ABCC5: variants seen among roughly 807,000 people sequenced by gnomAD.
ABCC5 encodes ATP binding cassette subfamily C member 5.
In ABCC5, 61 loss-of-function variants were observed where a neutral mutation model predicts 160.9. The ratio of observed to expected loss-of-function variants is 0.38; its 90% CI spans 0.31 to 0.47. The LOEUF (loss-of-function observed/expected upper bound fraction) is 0.47. Ranked by LOEUF, ABCC5 falls within the 20% of genes least tolerant of loss-of-function variation. The pLI, the probability that ABCC5 is intolerant of heterozygous loss-of-function variation, is 0.99. For missense variants in ABCC5, 1,308 were observed against 1,813.3 expected (o/e 0.72, Z 5.06); for synonymous variants, 666 against 700.6 (o/e 0.95, Z 0.78).
chr3:183,998,497 G>C (rs1720457360), intron 2 of ABCC5, among the ~76,000 whole-genome samples: 1 of 152,100 alleles, frequency 6.6e-6, no homozygotes, highest in South Asian at 2.1e-4. Context: ...GCCAGACACT[G>C]TTTTAAATGG....
intron 8 of ABCC5, among the ~76,000 whole-genome samples, chr3:183,980,766 G>A (rs1009311560): frequency 2.0e-5 from 3 of 150,892 alleles, no homozygotes; most frequent in Non-Finnish European, 4.4e-5. Flanking sequence ...AGGCTGGAGT[G>A]TAATGGTGTG....
chr3:183,947,133 T>C (rs931076591), intron 23 of ABCC5, among the ~76,000 whole-genome samples, 191 bp downstream of exon 23: 1 of 152,182 alleles, frequency 6.6e-6, no homozygotes, highest in Admixed American at 6.5e-5. Flanking sequence ...ATTCCACACT[T>C]ACCTCTCTCC....
chr3:183,977,083 A>C (rs763341803), intron 10 of ABCC5, among the ~76,000 whole-genome samples: 1 of 152,204 alleles, frequency 6.6e-6, no homozygotes, highest in African/African-American at 2.4e-5. Flanking sequence ...GTAGCACCAC[A>C]GGGCAGGAAA....
chr3:183,925,458 T>C, intron 29 of ABCC5, 97 bp downstream of exon 29: 3 of 1,290,738 alleles, frequency 2.3e-6, no homozygotes, highest in Non-Finnish European at 3.2e-6. Flanking sequence ...CTTATCTGAA[T>C]GCCCAGAACC....
chr3:183,953,542 A>T (rs956571314), intron 17 of ABCC5, among the ~76,000 whole-genome samples: 7 of 152,190 alleles, frequency 4.6e-5, no homozygotes, highest in Non-Finnish European at 1.0e-4. Flanking sequence ...ACAGACTGGT[A>T]GGACAGGCAG....
chr3:183,936,115 C>A (rs1560473708), intron 26 of ABCC5, among the ~76,000 whole-genome samples: 3 of 152,022 alleles, frequency 2.0e-5, no homozygotes, highest in African/African-American at 7.2e-5. Flanking sequence ...AGGGTGGGGC[C>A]TCAAGAAGAG....
At chr3:183,974,894 A>T (rs1209776730) in intron 10 of ABCC5, among the ~76,000 whole-genome samples, 2 of 152,238 alleles carry the variant, frequency 1.3e-5, no homozygotes, top group Admixed American at 1.3e-4. Context: ...GGTGAAATAG[A>T]GAAAAGACTA....
At chr3:183,966,912 T>C in intron 12 of ABCC5, among the ~76,000 whole-genome samples, 1 of 152,164 alleles carries the variant, frequency 6.6e-6, no homozygotes, top group East Asian at 1.9e-4. Flanking sequence ...CAGTGGACCT[T>C]ATCCATCAGG....
At chr3:183,928,181 C>T (rs1199858518) in intron 27 of ABCC5, among the ~76,000 whole-genome samples, 10 of 150,812 alleles carry the variant, frequency 6.6e-5, no homozygotes, top group African/African-American at 1.5e-4. Flanking sequence ...GGTGCGCTCT[C>T]GCTCACTGCA....
At chr3:183,941,865 G>A (rs577322505) in intron 25 of ABCC5, among the ~76,000 whole-genome samples, 12 of 151,700 alleles carry the variant, frequency 7.9e-5, no homozygotes, top group Middle Eastern at 3.4e-3. Flanking sequence ...TCCCAGCTAC[G>A]TGAGAGGCTG....
intron 26 of ABCC5, among the ~76,000 whole-genome samples, chr3:183,934,342 A>G (rs578261422): frequency 1.3e-5 from 2 of 152,320 alleles, no homozygotes; most frequent in Admixed American, 1.3e-4. Context: ...TCCGTAACAA[A>G]CCTGAGAGGA....
rs957938722 is a variant in ABCC5, at chr3:183,921,899, C to A, written c.4213-498G>T. ...ACAAAAATTAGCTGGGCATGGTTGG[C>A]GGGTGCCTACAATCCCAGTGACTTG... is the stretch of plus-strand genomic sequence containing the variant. On this transcript the variant is annotated intron_variant, in intron 29 of 29. Coordinates refer to ENST00000334444, the MANE Select transcript of ABCC5 (RefSeq NM_005688.4). This position sits in a 1 kb window ranked among gnomAD's most constrained non-coding sequence, Gnocchi z 4.1. 6.6e-6 allele frequency among the ~76,000 whole-genome samples: 1 copy of A among 151,360 alleles called. No homozygotes were observed. Among genetic ancestry groups the A allele is most frequent in the African/African-American group, 2.4e-5 (1 of 41,168 alleles).
Position 183,988,459 on chromosome 3 carries a change from C to T in ABCC5, c.443+113G>A. On this transcript the variant is annotated intron_variant, in intron 4 of 29. Transcript: ENST00000334444. This position sits in a 1 kb window ranked among gnomAD's most constrained non-coding sequence, Gnocchi z 4.4. ...AGAAAGTCATCCCCAGGCCGCCCGC[C>T]CTCCACTGGACAGCTCGGCTCTTTA... 13 of 1,349,546 alleles carry T rather than the reference C, an allele frequency of 9.6e-6. No homozygotes were observed. The highest frequency in any genetic ancestry group is 1.2e-5 in the Non-Finnish European group (12 of 1,001,296). 83.6% of individuals were successfully genotyped at this position (1,349,546 alleles called of 1,614,324 possible).
chr3:183,968,167 C>T (rs1017550792), intron 11 of ABCC5, among the ~76,000 whole-genome samples: 38 of 152,026 alleles, frequency 2.5e-4, no homozygotes, highest in African/African-American at 7.5e-4. Context: ...CTTGCTCTGT[C>T]AACCAGGCTG....
Position 183,920,663 on chromosome 3 carries a change from G to A in ABCC5, c.*637C>T, listed in dbSNP as rs1041619675. 8.5e-5 allele frequency: 13 copies of A among 152,684 alleles called. No individual in the cohort carries two copies. The highest frequency in any genetic ancestry group is 1.9e-4 in the East Asian group (1 of 5,196). The allele number at this position is 152,684 out of a possible 1,614,324, so 9.5% of individuals were successfully genotyped here. A position where few individuals can be genotyped will look rare whatever the true frequency, so the allele number is the denominator to read the frequency against. On this transcript the variant is annotated 3_prime_UTR_variant, in exon 30 of 30. Coordinates refer to ENST00000334444, the MANE Select transcript of ABCC5 (RefSeq NM_005688.4). This position sits in a 1 kb window ranked among gnomAD's most constrained non-coding sequence, Gnocchi z 4.1. ...GAAGGCAGGAGCCCTGAGAACTCAC[G>A]GCGCTCTGCATGGTCTCCAGCCGCC...
At chr3:184,000,055 A>G (rs1720619126) in intron 2 of ABCC5, among the ~76,000 whole-genome samples, 1 of 152,082 alleles carries the variant, frequency 6.6e-6, no homozygotes, top group African/African-American at 2.4e-5. Flanking sequence ...AAGGGAAGAT[A>G]AAGCTAAAGA....
At chr3:183,999,665 G>C (rs1720583225) in intron 2 of ABCC5, among the ~76,000 whole-genome samples, 1 of 152,070 alleles carries the variant, frequency 6.6e-6, no homozygotes, top group African/African-American at 2.4e-5. Flanking sequence ...CTGTGGTCCA[G>C]CTACCTGAGA....
At chr3:183,947,097 A>G (rs1396484639) in intron 23 of ABCC5, among the ~76,000 whole-genome samples, 4 of 152,218 alleles carry the variant, frequency 2.6e-5, no homozygotes, top group Non-Finnish European at 5.9e-5. Flanking sequence ...CACACATGCA[A>G]CAGAGTTCGA....
chr3:183,936,229 A>T (rs576205497), intron 26 of ABCC5, among the ~76,000 whole-genome samples: 1 of 152,228 alleles, frequency 6.6e-6, no homozygotes, highest in South Asian at 2.1e-4. Context: ...AACCATCTGC[A>T]AACCAGGAAG....
Sources: allele counts gnomAD v4.1 joint callset (sites outside exome capture counted in the v4.1 genomes callset), GRCh38; gene constraint gnomAD v4.1.1; non-coding constraint Gnocchi (gnomAD v3.1); transcripts MANE v1.5; gene names NCBI Gene and HGNC (gene_info 2026-07-23, HGNC 2026-07-21).